Variants in MYO7B observed in about 807,000 individuals in gnomAD.
MYO7B encodes unconventional myosin-VIIb.
MYO7B carries 212 observed loss-of-function variants against 259.7 expected under a neutral mutation model. That is an observed-to-expected ratio of 0.82 (90% CI 0.73 to 0.91). The LOEUF (loss-of-function observed/expected upper bound fraction) is 0.91. Among genes scored for constraint, MYO7B ranks in the 40% least tolerant of loss-of-function variants. The pLI is 0.00. For missense variants in MYO7B, 2,732 were observed against 2,813.5 expected (o/e 0.97, Z 0.66); for synonymous variants, 1,197 against 1,166.4 (o/e 1.03, Z -0.54).
intron 19 of MYO7B, among the ~76,000 whole-genome samples, chr2:127,603,524 A>G (rs933426787): frequency 6.6e-6 from 1 of 152,196 alleles, no homozygotes; most frequent in African/African-American, 2.4e-5. Flanking sequence ...TTTTCTGAGC[A>G]GTAGGTCTCA....
In MYO7B at chr2:127,614,801, G is replaced by T. The variant is rs1194921802; in HGVS notation, c.3398+2198G>T. Among the ~76,000 whole-genome samples the T allele has an allele frequency of 6.6e-6, 1 of 152,188 alleles. No individual in the cohort carries two copies. Among genetic ancestry groups the T allele is most frequent in the Admixed American group, 6.5e-5 (1 of 15,278 alleles). Reference sequence around the variant, plus strand: ...CAAATTTCTTATCTTCCCTTATGCAGGCTGGAGGTGGCTTGGTGGCTGCAC... The same window carrying T: ...CAAATTTCTTATCTTCCCTTATGCATGCTGGAGGTGGCTTGGTGGCTGCAC... On this transcript the variant is annotated intron_variant, in intron 26 of 47. Transcript: ENST00000409816. This position sits in a 1 kb window ranked among gnomAD's most constrained non-coding sequence, Gnocchi z 4.6.
chr2:127,545,605 T>G (rs1693199053), intron 1 of MYO7B, among the ~76,000 whole-genome samples: 1 of 152,208 alleles, frequency 6.6e-6, no homozygotes, highest in Non-Finnish European at 1.5e-5. Context: ...TTTCCTCTCC[T>G]CCTGCCCAGG....
At position 127,636,349 on chromosome 2, in the gene MYO7B, C is replaced by CT; in HGVS notation, c.6123+26dup. 1 of 1,593,306 alleles carries CT rather than the reference C, an allele frequency of 6.3e-7. No individual in the cohort carries two copies. Among genetic ancestry groups the CT allele is most frequent in the South Asian group, 1.1e-5 (1 of 90,534 alleles). ...GGTAAACCTTGCCCCACGCCAGGGC[C>CT]TCCTACCCAAGCAGGCTCCGCTCAG... On this transcript the variant is annotated intron_variant, in intron 45 of 47. Transcript: ENST00000409816. This position sits in a 1 kb window ranked among gnomAD's most constrained non-coding sequence, Gnocchi z 4.5.
chr2:127,609,374 G>A lies in MYO7B; in HGVS notation c.2815-132G>A. The A allele has an allele frequency of 1.3e-6, 1 of 790,612 alleles. No individual in the cohort carries two copies. Among genetic ancestry groups the A allele is most frequent in the Non-Finnish European group, 2.1e-6 (1 of 484,236 alleles). The allele number at this position is 790,612 out of a possible 1,614,324, so 49.0% of individuals were successfully genotyped here. Reference sequence around the variant, plus strand: ...CTGAGCCCACTGAATGTGGGGATGGGTGGTCTCCAGCACCTGAGGGATCAG... The same window carrying A: ...CTGAGCCCACTGAATGTGGGGATGGATGGTCTCCAGCACCTGAGGGATCAG... On this transcript the variant is annotated intron_variant, in intron 22 of 47. Transcript: ENST00000409816. This position sits in a 1 kb window ranked among gnomAD's most constrained non-coding sequence, Gnocchi z 6.9.
At chr2:127,632,528 G>T in intron 39 of MYO7B, 127 bp downstream of exon 39, 1 of 1,275,034 alleles carries the variant, frequency 7.8e-7, no homozygotes, top group South Asian at 1.7e-5. Flanking sequence ...GTGTCAGCTT[G>T]GCAGGCAGGA....
At chr2:127,629,495 T>C (rs1681342820) in intron 34 of MYO7B, 150 bp from the exon 35 acceptor site, 1 of 716,126 alleles carries the variant, frequency 1.4e-6, no homozygotes, top group Non-Finnish European at 2.2e-6. Context: ...CCCCTGAGGT[T>C]CCAGTCCCAC....
At chr2:127,579,838 A>T (rs1679030831) in intron 9 of MYO7B, among the ~76,000 whole-genome samples, 1 of 152,182 alleles carries the variant, frequency 6.6e-6, no homozygotes, top group Non-Finnish European at 1.5e-5. Flanking sequence ...CTTCTGCTTC[A>T]GCCTCCCAAA....
rs1680515741 is a variant in MYO7B, at chr2:127,614,967, T to C, written c.3398+2364T>C. On this transcript the variant is annotated intron_variant, in intron 26 of 47. Transcript: ENST00000409816. The surrounding 1 kb of genome is among the most constrained non-coding windows in gnomAD (Gnocchi z 4.6). ...TGCCCTGTTCCACATCTGTCACACATTCCACACACACTTGCTCATTACCCA... is the reference window on the plus strand; with the variant it reads ...TGCCCTGTTCCACATCTGTCACACACTCCACACACACTTGCTCATTACCCA... Among the ~76,000 whole-genome samples, 1 of 152,168 alleles carries C rather than the reference T, an allele frequency of 6.6e-6. No homozygotes were observed. Among genetic ancestry groups the C allele is most frequent in the Admixed American group, 6.5e-5 (1 of 15,282 alleles).
Position 127,581,486 on chromosome 2 carries a change from G to A in MYO7B, c.1081-405G>A, listed in dbSNP as rs116088101. ...GCTATTAACATTCTTCTTTTGGTTC[G>A]AGGGTACTCAGAAACTCTGGGTTTT... On this transcript the variant is annotated intron_variant, in intron 10 of 47. Transcript: ENST00000409816. Among the ~76,000 whole-genome samples the A allele has an allele frequency of 6.8e-3, 1,030 of 152,326 alleles. 18 individuals carry two copies. The highest frequency in any genetic ancestry group is 0.024 in the African/African-American group (988 of 41,570).
At chr2:127,588,333 C>A in intron 14 of MYO7B, 59 bp from the exon 15 acceptor site, 1 of 1,582,584 alleles carries the variant, frequency 6.3e-7, no homozygotes, top group Non-Finnish European at 8.6e-7. Context: ...CCTCTTCTTC[C>A]CCATGGGTGG....
At position 127,628,148 on chromosome 2, in the gene MYO7B, C is replaced by A; in HGVS notation, c.4461-224C>A. 1 of 682,172 alleles carries A rather than the reference C, an allele frequency of 1.5e-6. No individual in the cohort carries two copies. The highest frequency in any genetic ancestry group is 2.7e-6 in the Non-Finnish European group (1 of 374,512). The allele number at this position is 682,172 out of a possible 1,614,324, so 42.3% of individuals were successfully genotyped here. ...CTCATTATCTGCCCACAGCCAACCC[C>A]ACACATGGGCTGCACCACTCTCAGC... On this transcript the variant is annotated intron_variant, in intron 33 of 47. Coordinates refer to ENST00000409816, the MANE Select transcript of MYO7B (RefSeq NM_001393586.1). The surrounding 1 kb of genome is among the most constrained non-coding windows in gnomAD (Gnocchi z 4.8).
At chr2:127,606,650 C>A (rs1680164300) in intron 20 of MYO7B, among the ~76,000 whole-genome samples, 1 of 152,252 alleles carries the variant, frequency 6.6e-6, no homozygotes, top group South Asian at 2.1e-4. Context: ...AGATGAGGGG[C>A]TGTGACTTCC....
At position 127,586,330 on chromosome 2, in the gene MYO7B, G is replaced by A. The variant is rs1452144874; in HGVS notation, c.1690+1417G>A. On this transcript the variant is annotated intron_variant, in intron 14 of 47. Transcript: ENST00000409816. The surrounding 1 kb of genome is among the most constrained non-coding windows in gnomAD (Gnocchi z 4.8). The stretch of plus-strand genomic sequence containing the variant: ...AGAAAAACGAGGAAGGTGGCCGTGG[G>A]CTGCTGTGGTCAGGAAAGCAGGGCG... 6.6e-6 allele frequency among the ~76,000 whole-genome samples: 1 copy of A among 152,212 alleles called. No individual in the cohort carries two copies. The highest frequency in any genetic ancestry group is 1.5e-5 in the Non-Finnish European group (1 of 68,044).
chr2:127,630,138 G>A (rs1385191149), intron 35 of MYO7B, among the ~76,000 whole-genome samples: 1 of 152,198 alleles, frequency 6.6e-6, no homozygotes, highest in Non-Finnish European at 1.5e-5. Context: ...GTCTCTCCCT[G>A]CACAAGGGAA....
chr2:127,613,744 AG>A lies in MYO7B; in HGVS notation c.3398+1143del, dbSNP rs1254984225. 2.6e-5 allele frequency among the ~76,000 whole-genome samples: 4 copies of A among 152,268 alleles called. No homozygotes were observed. The South Asian group carries it at 8.3e-4, about 32-fold the overall frequency. On this transcript the variant is annotated intron_variant, in intron 26 of 47. Coordinates refer to ENST00000409816, the MANE Select transcript of MYO7B (RefSeq NM_001393586.1). The surrounding 1 kb of genome is among the most constrained non-coding windows in gnomAD (Gnocchi z 4.3). ...AAGAGCATTGATTTTTTGTTTTAGG[AG>A]GCAACTACCTTGGCTGGACTCAAAC...
At position 127,607,440 on chromosome 2, in the gene MYO7B, G is replaced by A. The variant is rs1473417233; in HGVS notation, c.2643+16G>A. On this transcript the variant is annotated intron_variant, in intron 21 of 47. Transcript: ENST00000409816. The surrounding 1 kb of genome is among the most constrained non-coding windows in gnomAD (Gnocchi z 4.4). ...GAAGGCCAATGTAGGTGGTCACCTG[G>A]CCTCTTGGGCAGGTGGGGCTGGCTG... is the stretch of plus-strand genomic sequence containing the variant. 6.5e-7 allele frequency: 1 copy of A among 1,549,258 alleles called. No individual in the cohort carries two copies.
chr2:127,553,940 C>T (rs1274760124), intron 1 of MYO7B, among the ~76,000 whole-genome samples: 6 of 152,026 alleles, frequency 3.9e-5, no homozygotes, highest in Non-Finnish European at 5.9e-5. Flanking sequence ...CCTTGTATGC[C>T]GATTTTGCTA....
chr2:127,609,890 T>G lies in MYO7B; in HGVS notation c.3066T>G (p.Gly1022=). ...VIWNVILRFM[G]DLPEPVLYAR... is the part of the protein sequence containing the mutation. ...GGAACGTCATCCTGAGGTTCATGGG[T>G]GATCTCCCAGAGCCAGTGCTGTATG... The change falls in exon 24 of 48, where the codon GGT becomes GGG. Residue 1022 remains glycine (G), a synonymous_variant. Transcript: ENST00000409816. The surrounding 1 kb of genome is among the most constrained non-coding windows in gnomAD (Gnocchi z 6.9). 6.2e-7 allele frequency: 1 copy of G among 1,612,126 alleles called. No homozygotes were observed. The highest frequency in any genetic ancestry group is 1.3e-5 in the African/African-American group (1 of 74,994).
At chr2:127,618,325 A>AAAGGGCTCCCTACTCCTAGTAAG (rs1680668275) in intron 26 of MYO7B, among the ~76,000 whole-genome samples, 1 of 152,206 alleles carries the variant, frequency 6.6e-6, no homozygotes, top group Non-Finnish European at 1.5e-5. Flanking sequence ...AGGGGAAGAA[A>AAAGGGCTCCCTACTCCTAGTAAG]AAGGGCTCCC....
Sources: gnomAD v4.1 joint callset for allele counts (sites outside exome capture counted in the v4.1 genomes callset) on GRCh38, gnomAD v4.1.1 for gene constraint, Gnocchi (gnomAD v3.1) non-coding constraint, MANE v1.5 for transcripts, NCBI Gene and HGNC (gene_info 2026-07-23, HGNC 2026-07-21) for gene names.